Variants in CHRNA7 observed in about 807,000 individuals in gnomAD.
CHRNA7 encodes neuronal acetylcholine receptor subunit alpha-7.
A neutral mutation model predicts 48.0 loss-of-function variants in CHRNA7; 17 were observed. The ratio of observed to expected loss-of-function variants is 0.35; its 90% CI spans 0.24 to 0.53. The LOEUF (loss-of-function observed/expected upper bound fraction) is 0.53, where lower values mean the gene tolerates loss of function less well. Among genes scored for constraint, CHRNA7 ranks in the 20% least tolerant of loss-of-function variants. The probability of loss-of-function intolerance (pLI) is 0.92; values close to 1 mark genes in which losing one functional copy is unlikely to be tolerated. For missense variants in CHRNA7, 155 were observed against 577.7 expected (o/e 0.27, Z 7.50); for synonymous variants, 75 against 242.3 (o/e 0.31, Z 6.41).
At chr15:32,121,272 T>A (rs2050965030) in intron 4 of CHRNA7, among the ~76,000 whole-genome samples, 1 of 152,106 alleles carries the variant, frequency 6.6e-6, no homozygotes, top group Non-Finnish European at 1.5e-5. Context: ...CTACTCTGTG[T>A]AAGACACTGT....
chr15:32,054,246 A>G (rs998350431), intron 2 of CHRNA7, among the ~76,000 whole-genome samples: 4 of 152,190 alleles, frequency 2.6e-5, no homozygotes, highest in African/African-American at 7.2e-5. Context: ...AAATTAGGGT[A>G]AGGCTGCTCA....
At chr15:32,094,276 G>A (rs1335353246) in intron 2 of CHRNA7, among the ~76,000 whole-genome samples, 2 of 152,160 alleles carry the variant, frequency 1.3e-5, no homozygotes, top group Non-Finnish European at 2.9e-5. Flanking sequence ...TCTGCACATT[G>A]ATGCATCGCA....
At chr15:32,060,158 A>G (rs530502304) in intron 2 of CHRNA7, among the ~76,000 whole-genome samples, 11 of 152,260 alleles carry the variant, frequency 7.2e-5, no homozygotes, top group African/African-American at 2.6e-4. Flanking sequence ...TCAGTTGTCA[A>G]ACATCCCATG....
At chr15:32,035,387 T>C (rs1380010363) in intron 2 of CHRNA7, among the ~76,000 whole-genome samples, 3 of 152,234 alleles carry the variant, frequency 2.0e-5, no homozygotes, top group African/African-American at 7.2e-5. Context: ...GTTAATAATA[T>C]GAACCAACAT....
At chr15:32,039,378 A>G (rs1160430820) in intron 2 of CHRNA7, among the ~76,000 whole-genome samples, 1 of 152,004 alleles carries the variant, frequency 6.6e-6, no homozygotes, top group Non-Finnish European at 1.5e-5. Context: ...ATTTCTGTAC[A>G]TTTCAATACT....
rs1309738363 is a variant in CHRNA7 at position 32,114,141 on chromosome 15, CACAG to C, written c.350+2244_350+2247del. 2.6e-3 allele frequency among the ~76,000 whole-genome samples: 378 copies of C among 148,074 alleles called. 3 individuals carry two copies. Among genetic ancestry groups the C allele is most frequent in the African/African-American group, 8.2e-3 (328 of 39,874 alleles). On this transcript the variant is annotated intron_variant, in intron 4 of 9. Transcript: ENST00000306901. ...ACATACATATACATACACACACACA[CACAG>C]AGAGAGAGAGAGAGAGCACCCCACC...
At chr15:32,095,156 A>G (rs1176604693) in intron 2 of CHRNA7, among the ~76,000 whole-genome samples, 16 of 152,194 alleles carry the variant, frequency 1.1e-4, no homozygotes. Context: ...TCCCCAACAA[A>G]CAGACCCTGA....
intron 2 of CHRNA7, among the ~76,000 whole-genome samples, chr15:32,054,377 C>T (rs999877009): frequency 3.6e-5 from 5 of 138,572 alleles, no homozygotes; most frequent in African/African-American, 9.0e-5. Flanking sequence ...TTGAAGTAAC[C>T]TTTAACACAC....
chr15:32,114,019 AATATATAT>A (rs57220454), intron 4 of CHRNA7, among the ~76,000 whole-genome samples: 2 of 109,164 alleles, frequency 1.8e-5, no homozygotes, highest in Non-Finnish European at 3.6e-5. Flanking sequence ...GCTATCTCCA[AATATATAT>A]ATATATATAT....
chr15:32,147,440 G>C (rs2051513039), intron 4 of CHRNA7, among the ~76,000 whole-genome samples: 1 of 152,184 alleles, frequency 6.6e-6, no homozygotes, highest in Non-Finnish European at 1.5e-5. Flanking sequence ...TGCAGTCCTA[G>C]CTGCCAGGAG....
intron 2 of CHRNA7, among the ~76,000 whole-genome samples, chr15:32,053,843 A>C (rs945273443): frequency 1.3e-5 from 2 of 152,234 alleles, no homozygotes; most frequent in African/African-American, 2.4e-5. Context: ...GTGGCTGACT[A>C]CTGGCTCTGC....
chr15:32,042,456 G>A (rs2049466016), intron 2 of CHRNA7, among the ~76,000 whole-genome samples: 1 of 152,174 alleles, frequency 6.6e-6, no homozygotes, highest in Non-Finnish European at 1.5e-5. Context: ...GGAAGGATGA[G>A]GGAACATTTC....
chr15:32,036,599 T>G (rs1334350963), intron 2 of CHRNA7, among the ~76,000 whole-genome samples: 1 of 152,186 alleles, frequency 6.6e-6, no homozygotes, highest in Non-Finnish European at 1.5e-5. Context: ...GCATTTGGTG[T>G]TGTCAGTGTT....
chr15:32,150,949 G>A (rs575202119), intron 4 of CHRNA7, among the ~76,000 whole-genome samples: 11 of 152,000 alleles, frequency 7.2e-5, no homozygotes, highest in Non-Finnish European at 1.5e-4. Context: ...GGAAGTAAGG[G>A]GGGGGGATGT....
At chr15:32,046,589 G>A (rs1197524727) in intron 2 of CHRNA7, among the ~76,000 whole-genome samples, 5 of 152,074 alleles carry the variant, frequency 3.3e-5, no homozygotes, top group South Asian at 2.1e-4. Flanking sequence ...AGATGAGTAG[G>A]TCGCGAAAAG....
intron 2 of CHRNA7, among the ~76,000 whole-genome samples, chr15:32,059,659 A>T (rs914664259): frequency 6.6e-6 from 1 of 152,198 alleles, no homozygotes; most frequent in African/African-American, 2.4e-5. Flanking sequence ...AGAAATTCCA[A>T]CTTGAGTCTA....
chr15:32,149,496 T>C lies in CHRNA7; in HGVS notation c.351-4411T>C, dbSNP rs2141355292. Among the ~76,000 whole-genome samples, 1 of 152,332 alleles carries C rather than the reference T, an allele frequency of 6.6e-6. No homozygotes were observed. The highest frequency in any genetic ancestry group is 1.5e-5 in the Non-Finnish European group (1 of 68,034). On this transcript the variant is annotated intron_variant, in intron 4 of 9. Coordinates refer to ENST00000306901, the MANE Select transcript of CHRNA7 (RefSeq NM_000746.6). This position sits in a 1 kb window ranked among gnomAD's most constrained non-coding sequence, Gnocchi z 4.6. The stretch of plus-strand genomic sequence containing the variant: ...ACTCAGTTTTCAGCAACAGGGCCTT[T>C]CTTCAAACTCATCTTATCTCCACCC...
At chr15:32,127,111 C>T (rs1302517809) in intron 4 of CHRNA7, among the ~76,000 whole-genome samples, 1 of 152,106 alleles carries the variant, frequency 6.6e-6, no homozygotes, top group African/African-American at 2.4e-5. Context: ...TGTGGCATTT[C>T]AAGAATATTT....
intron 2 of CHRNA7, among the ~76,000 whole-genome samples, chr15:32,089,483 C>T (rs1335644469): frequency 1.3e-5 from 2 of 152,266 alleles, no homozygotes; most frequent in Admixed American, 1.3e-4. Flanking sequence ...ATTTTTGACA[C>T]AACATGTTCA....
Sources: allele counts gnomAD v4.1 joint callset (sites outside exome capture counted in the v4.1 genomes callset), GRCh38; gene constraint gnomAD v4.1.1; non-coding constraint Gnocchi (gnomAD v3.1); transcripts MANE v1.5; gene names NCBI Gene and HGNC (gene_info 2026-07-23, HGNC 2026-07-21).